RHEX: variants seen among roughly 807,000 people sequenced by gnomAD.
RHEX encodes regulator of hemoglobinization and erythroid cell expansion protein.
In RHEX, 18 loss-of-function variants were observed where a neutral mutation model predicts 20.1. The ratio of observed to expected loss-of-function variants is 0.90; its 90% CI spans 0.62 to 1.33. The LOEUF is 1.33. RHEX is among the 40% of genes most tolerant of loss of function. The pLI is 0.00. For missense variants in RHEX, 192 were observed against 214.3 expected, an observed-to-expected ratio of 0.90 and a Z score of 0.65; for synonymous variants, 87 against 77.1, an observed-to-expected ratio of 1.13 and a Z score of -0.67.
chr1:206,095,926 C>T (rs28430268), intron 1 of RHEX, among the ~76,000 whole-genome samples: 17,475 of 152,008 alleles, frequency 0.11, 1,164 homozygotes, highest in South Asian at 0.2. Context: ...AACCTGGACT[C>T]GGGTGATCCT....
In RHEX at chr1:206,101,067, ATTG is replaced by A. The variant is rs1663176311; in HGVS notation, c.257-67_257-65del. ...TGATAATAAGACAATTCTCCCTTCCATTGTCTCTATCCTCTCTTAACACCCTCT... is the reference window on the plus strand; with the variant it reads ...TGATAATAAGACAATTCTCCCTTCCATCTCTATCCTCTCTTAACACCCTCT... On this transcript the variant is annotated intron_variant, in intron 4 of 5. Coordinates refer to ENST00000331555, the MANE Select transcript of RHEX (RefSeq NM_001007544.4). 4 of 1,251,780 alleles carry A rather than the reference ATTG, an allele frequency of 3.2e-6. No individual in the cohort carries two copies. In the African/African-American group the frequency reaches 4.5e-5, roughly 14 times the overall value. The allele number at this position is 1,251,780 out of a possible 1,614,324, so 77.5% of individuals were successfully genotyped here. A position where few individuals can be genotyped will look rare whatever the true frequency, so the allele number is the denominator to read the frequency against.
At chr1:206,094,276 C>G (rs1321923011) in intron 1 of RHEX, among the ~76,000 whole-genome samples, 1 of 151,996 alleles carries the variant, frequency 6.6e-6, no homozygotes, top group African/African-American at 2.4e-5. Flanking sequence ...CAAGGAACAA[C>G]CTGCTCATTG....
In RHEX at chr1:206,101,820, G is replaced by A. The variant is rs147814909; in HGVS notation, c.387G>A (p.Pro129=). The A allele has an allele frequency of 2.7e-4, 441 of 1,613,776 alleles. No individual in the cohort carries two copies. The highest frequency in any genetic ancestry group is 6.0e-4 in the East Asian group (27 of 44,898). ...SDPGELKNDS[P]LDYENIKEIT... is the part of the protein sequence containing the mutation. ...CTGGAGAACTAAAAAATGACTCCCCGCTGGACTATGAGAACATAAAGGAAA... is the reference window on the plus strand; with the variant it reads ...CTGGAGAACTAAAAAATGACTCCCCACTGGACTATGAGAACATAAAGGAAA... The change falls in exon 6 of 6, where the codon CCG becomes CCA. Residue 129 remains proline (P), a synonymous_variant. Transcript: ENST00000331555.
At chr1:206,091,638 G>A (rs137923656) in intron 1 of RHEX, among the ~76,000 whole-genome samples, 70 of 152,250 alleles carry the variant, frequency 4.6e-4, no homozygotes, top group African/African-American at 1.7e-3. Context: ...TGAGTCAGTT[G>A]GTTTAGGAAA....
At chr1:206,084,129 A>G (rs1414290399) in intron 1 of RHEX, among the ~76,000 whole-genome samples, 1 of 152,218 alleles carries the variant, frequency 6.6e-6, no homozygotes, top group Non-Finnish European at 1.5e-5. Flanking sequence ...ATCTTCCCCC[A>G]TAAACATCCT....
At chr1:206,092,390 C>G (rs1435835785) in intron 1 of RHEX, among the ~76,000 whole-genome samples, 1 of 152,156 alleles carries the variant, frequency 6.6e-6, no homozygotes, top group Non-Finnish European at 1.5e-5. Flanking sequence ...CTGTTCCCAT[C>G]TTACATATTA....
intron 1 of RHEX, among the ~76,000 whole-genome samples, chr1:206,068,903 A>G (rs545041637): frequency 6.6e-6 from 1 of 152,336 alleles, no homozygotes; most frequent in Admixed American, 6.5e-5. Flanking sequence ...TTAAAGGGGT[A>G]CCTGTCTGGG....
chr1:206,077,382 C>A (rs1553285391), intron 1 of RHEX, among the ~76,000 whole-genome samples: 1 of 152,120 alleles, frequency 6.6e-6, no homozygotes, highest in Non-Finnish European at 1.5e-5. Context: ...CATTCATTGA[C>A]CAATGGTGAA....
At chr1:206,099,597 G>T in intron 3 of RHEX, 58 bp from the exon 4 acceptor site, 1 of 1,561,444 alleles carries the variant, frequency 6.4e-7, no homozygotes, top group Non-Finnish European at 8.7e-7. Flanking sequence ...GGGATTACAG[G>T]CATGAGCTAC....
At chr1:206,079,638 C>T (rs554744243) in intron 1 of RHEX, among the ~76,000 whole-genome samples, 1 of 152,246 alleles carries the variant, frequency 6.6e-6, no homozygotes, top group Non-Finnish European at 1.5e-5. Context: ...TCACTGCAAC[C>T]TCTGCCTGCT....
In RHEX at chr1:206,094,777, G is replaced by A. The variant is rs771756453; in HGVS notation, c.-96-2956G>A. 8.5e-5 allele frequency among the ~76,000 whole-genome samples: 13 copies of A among 152,112 alleles called. No homozygotes were observed. In the East Asian group the frequency reaches 1.3e-3, roughly 16 times the overall value. ...GTCACCGGGCTCTTCTCAAACTCCC[G>A]GCCTCGGTGATCCTTCCACCTCGCT... On this transcript the variant is annotated intron_variant, in intron 1 of 5. Transcript: ENST00000331555.
chr1:206,094,721 T>A (rs1571872319), intron 1 of RHEX, among the ~76,000 whole-genome samples: 1 of 152,162 alleles, frequency 6.6e-6, no homozygotes, highest in Non-Finnish European at 1.5e-5. Context: ...TGTGTGTCAT[T>A]TGGCTAGTAA....
chr1:206,079,222 AAACCAGTGGAGATGTATATC>A (rs1459605229), intron 1 of RHEX, among the ~76,000 whole-genome samples: 21 of 152,340 alleles, frequency 1.4e-4, no homozygotes, highest in Admixed American at 3.3e-4. Context: ...ATACATTTAA[AAACCAGTGGAGATGTATATC>A]ATTACTGAAA....
chr1:206,089,219 T>C (rs903751930), intron 1 of RHEX, among the ~76,000 whole-genome samples: 1 of 152,132 alleles, frequency 6.6e-6, no homozygotes, highest in Admixed American at 6.5e-5. Flanking sequence ...TTAAAACATT[T>C]TTTGTAGAGA....
intron 1 of RHEX, among the ~76,000 whole-genome samples, chr1:206,097,210 T>A (rs1304441822): frequency 6.6e-6 from 1 of 152,198 alleles, no homozygotes; most frequent in Non-Finnish European, 1.5e-5. Flanking sequence ...TCGCTCGCTG[T>A]CTGGGTCAGT....
At chr1:206,096,781 G>GTTTTTTTTTTTTTTTTTTTTTTTT (rs1212622253) in intron 1 of RHEX, among the ~76,000 whole-genome samples, 5 of 132,924 alleles carry the variant, frequency 3.8e-5, no homozygotes, top group South Asian at 2.3e-4. Flanking sequence ...TTTTTTTTTG[G>GTTTTTTTTTTTTTTTTTTTTTTTT]TTTTTTTTTT....
Position 206,102,071 on chromosome 1 carries a change from CA to C in RHEX, c.*124del. 6.1e-6 allele frequency: 5 copies of C among 814,412 alleles called. No individual in the cohort carries two copies. The highest frequency in any genetic ancestry group is 2.3e-4 in the Middle Eastern group (1 of 4,260). The allele number at this position is 814,412 out of a possible 1,614,324, so 50.4% of individuals were successfully genotyped here. A position where few individuals can be genotyped will look rare whatever the true frequency, so the allele number is the denominator to read the frequency against. On this transcript the variant is annotated 3_prime_UTR_variant, in exon 6 of 6. Transcript: ENST00000331555. ...GGCTCACAAGTCTATGGAGACAGGC[CA>C]AAAAGAATGTGGAGAAGAAAACTGA...
chr1:206,089,686 C>T (rs1173921626), intron 1 of RHEX, among the ~76,000 whole-genome samples: 2 of 151,466 alleles, frequency 1.3e-5, no homozygotes, highest in Non-Finnish European at 2.9e-5. Context: ...TTATATAAAC[C>T]AAAGATGCAA....
intron 1 of RHEX, among the ~76,000 whole-genome samples, chr1:206,056,128 C>T (rs1553282591): frequency 2.0e-5 from 3 of 152,252 alleles, no homozygotes; most frequent in Admixed American, 6.5e-5. Flanking sequence ...ACCTTCCTCC[C>T]GGTGTCAGAG....
Sources: allele counts gnomAD v4.1 joint callset (sites outside exome capture counted in the v4.1 genomes callset), GRCh38; gene constraint gnomAD v4.1.1; transcripts MANE v1.5; gene names NCBI Gene and HGNC (gene_info 2026-07-23, HGNC 2026-07-21).